FAT2: variants seen among roughly 807,000 people sequenced by gnomAD.
FAT2 encodes the protein FAT atypical cadherin 2, also known as protocadherin Fat 2.
A neutral mutation model predicts 295.3 loss-of-function variants in FAT2; 150 were observed. The observed-to-expected ratio is 0.51, with a 90% CI of 0.44 to 0.58. FAT2 has a LOEUF of 0.58. FAT2 is among the 20% of genes least tolerant of loss of function. The pLI is 0.00. For missense variants in FAT2, 4,868 were observed against 5,442.7 expected, an observed-to-expected ratio of 0.89 and a Z score of 3.32; for synonymous variants, 2,026 against 2,150.3, an observed-to-expected ratio of 0.94 and a Z score of 1.60.
At position 151,521,872 on chromosome 5, in the gene FAT2, A is replaced by G. The variant is rs765500923; in HGVS notation, c.10721T>C (p.Leu3574Pro). ...LTYSLAEEETLGRHFSVGAPD... is the reference protein window; with the variant it reads ...LTYSLAEEETPGRHFSVGAPD... ...CGCACCCACTGAGAAGTGCCTGCCCAGGGTCTCCTCTTCTGCCAGGCTATA... is the reference window on the plus strand; with the variant it reads ...CGCACCCACTGAGAAGTGCCTGCCCGGGGTCTCCTCTTCTGCCAGGCTATA... The change falls in exon 19 of 24, where the codon CTG (leucine) becomes CCG (proline). Residue 3574 changes from leucine (L) to proline (P), a missense_variant. Around this residue, in one of 5 missense-constraint regions of FAT2, gnomAD observed 1,046 missense variants for 1,210.1 expected, o/e 0.86. Coordinates refer to ENST00000261800, the MANE Select transcript of FAT2 (RefSeq NM_001447.3). 1 of 1,614,008 alleles carries G rather than the reference A, an allele frequency of 6.2e-7. No homozygotes were observed. Among genetic ancestry groups the G allele is most frequent in the South Asian group, 1.1e-5 (1 of 91,046 alleles).
At position 151,565,848 on chromosome 5, in the gene FAT2, G is replaced by C; in HGVS notation, c.3084C>G (p.His1028Gln). 1 of 1,614,156 alleles carries C rather than the reference G, an allele frequency of 6.2e-7. No individual in the cohort carries two copies. Among genetic ancestry groups the C allele is most frequent in the East Asian group, 2.2e-5 (1 of 44,884 alleles). ...VIVLDVNENL[H>Q]PPHFASFVHQ... is the part of the protein sequence containing the mutation. Reference sequence around the variant, plus strand: ...GCACGAAGGAGGCAAAGTGGGGAGGGTGGAGATTCTCATTCACATCCAGGA... The same window carrying C: ...GCACGAAGGAGGCAAAGTGGGGAGGCTGGAGATTCTCATTCACATCCAGGA... The change falls in exon 2 of 24, where the codon CAC (histidine) becomes CAG (glutamine). Residue 1028 changes from histidine to glutamine, a missense_variant. Coordinates refer to ENST00000261800, the MANE Select transcript of FAT2 (RefSeq NM_001447.3).
At chr5:151,563,767 G>A in intron 2 of FAT2, 128 bp from the exon 3 acceptor site, 3 of 699,994 alleles carry the variant, frequency 4.3e-6, no homozygotes, top group Non-Finnish European at 7.2e-6. Context: ...TCTATGAAAA[G>A]AAGGAACTGC....
rs889399513 is a variant in FAT2, at chr5:151,531,924, G to A, written c.9474C>T (p.Gly3158=). 2 of 1,614,106 alleles carry A rather than the reference G, an allele frequency of 1.2e-6. No homozygotes were observed. The highest frequency in any genetic ancestry group is 1.3e-5 in the African/African-American group (1 of 74,944). Residue 3158 remains glycine, a synonymous_variant, in exon 14 of 24, where the codon GGC becomes GGT. Coordinates refer to ENST00000261800, the MANE Select transcript of FAT2 (RefSeq NM_001447.3). The surrounding 1 kb of genome is among the most constrained non-coding windows in gnomAD (Gnocchi z 5.7). ...CCGTGGTGGCGTCGATGGAAAAGTG[G>A]CCTTCGGCTGAATCCGGCAGAGAGT... ...VVYSLPDSAE[G]HFSIDATTGV...
chr5:151,586,753 C>T (rs1039079799), intron 1 of FAT2, among the ~76,000 whole-genome samples: 2 of 152,186 alleles, frequency 1.3e-5, no homozygotes, highest in African/African-American at 4.8e-5. Flanking sequence ...GAAATATTTT[C>T]AGGTGCAATC....
intron 3 of FAT2, among the ~76,000 whole-genome samples, chr5:151,559,318 C>T (rs371257824): frequency 1.2e-4 from 19 of 152,236 alleles, no homozygotes; most frequent in African/African-American, 2.6e-4. Flanking sequence ...CACACTCAGG[C>T]GCCCTTCCAG....
chr5:151,549,223 A>T, intron 9 of FAT2, 72 bp downstream of exon 9: 2 of 1,435,836 alleles, frequency 1.4e-6, no homozygotes, highest in Non-Finnish European at 1.9e-6. Context: ...TTGCGAATTC[A>T]TGCCTCTAGT....
rs372447089 is a variant in FAT2 at position 151,568,476 on chromosome 5, C to T, written c.456G>A (p.Ser152=). Residue 152 remains serine, a synonymous_variant, in exon 2 of 24, where the codon TCG becomes TCA. Coordinates refer to ENST00000261800, the MANE Select transcript of FAT2 (RefSeq NM_001447.3). ...TGTCCTCAGAGATGGTGACTCTGTACGAAGGTGGAGAGAAGAGAGGCTTCA... is the reference window on the plus strand; with the variant it reads ...TGTCCTCAGAGATGGTGACTCTGTATGAAGGTGGAGAGAAGAGAGGCTTCA... ...NDLKPLFSPP[S]YRVTISEDMP... is the part of the protein sequence containing the mutation. 31 of 1,614,090 alleles carry T rather than the reference C, an allele frequency of 1.9e-5. No individual in the cohort carries two copies. The highest frequency in any genetic ancestry group is 1.6e-4 in the Middle Eastern group (1 of 6,062).
rs544225629 is a variant in FAT2 at position 151,571,415 on chromosome 5, G to A, written c.-20-2464C>T. 2.0e-5 allele frequency among the ~76,000 whole-genome samples: 3 copies of A among 152,364 alleles called. No homozygotes were observed. The East Asian group carries it at 5.8e-4, about 29-fold the overall frequency. ...AGCCCTGCCTGCCCTGCTGTGTGGAGAGCTTCCTGTTCACCAGGTCAGCAC... is the reference window on the plus strand; with the variant it reads ...AGCCCTGCCTGCCCTGCTGTGTGGAAAGCTTCCTGTTCACCAGGTCAGCAC... On this transcript the variant is annotated intron_variant, in intron 1 of 23. Coordinates refer to ENST00000261800, the MANE Select transcript of FAT2 (RefSeq NM_001447.3).
intron 1 of FAT2, among the ~76,000 whole-genome samples, chr5:151,576,645 C>T (rs975573483): frequency 2.6e-5 from 4 of 152,050 alleles, no homozygotes; most frequent in South Asian, 2.1e-4. Context: ...TCTCACTTAA[C>T]GATGGGAATA....
chr5:151,537,352 AAAG>A (rs1561842312), intron 12 of FAT2, among the ~76,000 whole-genome samples: 10 of 86,738 alleles, frequency 1.2e-4, no homozygotes, highest in South Asian at 5.2e-4. Flanking sequence ...AGAAAAGAAA[AAAG>A]AAGGAAGGAA....
At chr5:151,591,035 C>G (rs1759382700) in intron 1 of FAT2, among the ~76,000 whole-genome samples, 130 bp downstream of exon 1, 1 of 152,198 alleles carries the variant, frequency 6.6e-6, no homozygotes, top group African/African-American at 2.4e-5. Flanking sequence ...TGTGCCTGTT[C>G]CAGCCATCTC....
chr5:151,569,051 T>G, intron 1 of FAT2, 100 bp from the exon 2 acceptor site: 1 of 1,179,432 alleles, frequency 8.5e-7, no homozygotes, highest in Non-Finnish European at 1.2e-6. Context: ...CAAGGGACAC[T>G]TGGCAATGTC....
rs1485991417 is a variant in FAT2 at position 151,554,612 on chromosome 5, A to G, written c.3695T>C (p.Ile1232Thr). The change falls in exon 5 of 24, where the codon ATC (isoleucine) becomes ACC (threonine). Residue 1232 changes from isoleucine to threonine, a missense_variant. By Grantham distance (89) the Ile-to-Thr change is moderately conservative. Transcript: ENST00000261800. ...LKSTSRVVVG[I>T]LDVNDNPPIF... ...AGGTGGATTGTCATTGACGTCCAAG[A>G]TGCCTACCACCACCCTGGAGGTGGA... 1 of 1,614,166 alleles carries G rather than the reference A, an allele frequency of 6.2e-7. No individual in the cohort carries two copies. Among genetic ancestry groups the G allele is most frequent in the Non-Finnish European group, 8.5e-7 (1 of 1,180,018 alleles).
In FAT2 at chr5:151,534,449, C is replaced by T. The variant is rs150367345; in HGVS notation, c.9387G>A (p.Lys3129=). 6.2e-7 allele frequency: 1 copy of T among 1,613,308 alleles called. No individual in the cohort carries two copies. The highest frequency in any genetic ancestry group is 1.3e-5 in the African/African-American group (1 of 74,882). The change falls in exon 13 of 24, where the codon AAG becomes AAA. Residue 3129 remains lysine, a synonymous_variant. Transcript: ENST00000261800. ...AVAVFDNTTV[K]TPVAVVFARD... ...GGGCAAATACTACAGCCACAGGGGT[C>T]TTCACTGTGGTGTTGTCGAAGACAG...
rs1754125756 is a variant in FAT2, at chr5:151,527,398, G to A, written c.10165-21C>T. ...GAGGCCTATTGCAAAATGTCCAGTG[G>A]AGGTTAGCAATGAGGTAGCTGTCCC... On this transcript the variant is annotated intron_variant, in intron 16 of 23. Transcript: ENST00000261800. 5 of 1,576,338 alleles carry A rather than the reference G, an allele frequency of 3.2e-6. No individual in the cohort carries two copies. The East Asian group carries it at 6.8e-5, about 21-fold the overall frequency.
In FAT2 at chr5:151,565,853, G is replaced by T; in HGVS notation, c.3079C>A (p.Leu1027Ile). Residue 1027 changes from leucine (L) to isoleucine (I), a missense_variant, in exon 2 of 24, where the codon CTC becomes ATC. Coordinates refer to ENST00000261800, the MANE Select transcript of FAT2 (RefSeq NM_001447.3). ...EVIVLDVNENLHPPHFASFVH... is the reference protein window; with the variant it reads ...EVIVLDVNENIHPPHFASFVH... ...AAGGAGGCAAAGTGGGGAGGGTGGA[G>T]ATTCTCATTCACATCCAGGACGATC... 1 of 1,614,138 alleles carries T rather than the reference G, an allele frequency of 6.2e-7. No individual in the cohort carries two copies. Among genetic ancestry groups the T allele is most frequent in the Non-Finnish European group, 8.5e-7 (1 of 1,180,018 alleles).
At chr5:151,571,363 G>A (rs773406636) in intron 1 of FAT2, among the ~76,000 whole-genome samples, 4 of 152,018 alleles carry the variant, frequency 2.6e-5, no homozygotes, top group Non-Finnish European at 5.9e-5. Context: ...CCACAGCTCT[G>A]TGAGCCCAGG....
Position 151,542,458 on chromosome 5 carries a change from G to A in FAT2, c.8669C>T (p.Ala2890Val), listed in dbSNP as rs1756246369. The A allele has an allele frequency of 1.9e-6, 3 of 1,614,180 alleles. No individual in the cohort carries two copies. The East Asian group carries it at 6.7e-5, about 36-fold the overall frequency. ...ATCTGTAATGGAGACCTGAACCAGG[G>A]CCTGAGAGGATAGCTGGATGGTCTG... ...HGQTIQLSSQ[A>V]LVQVSITDEN... Residue 2890 changes from alanine (A) to valine (V), a missense_variant, in exon 10 of 24, where the codon GCC (alanine) becomes GTC (valine). By Grantham distance (64) the Ala-to-Val change is moderately conservative. Transcript: ENST00000261800.
chr5:151,567,921 A>G lies in FAT2; in HGVS notation c.1011T>C (p.Ser337=). ...GGGAATAAAAATAAGGGCCGCTCCCACTCCTGGCCTGGAGGCTGAGGTTGA... is the reference window on the plus strand; with the variant it reads ...GGGAATAAAAATAAGGGCCGCTCCCGCTCCTGGCCTGGAGGCTGAGGTTGA... ...HGFNLSLQAR[S]GSGPYFYSQI... is the part of the protein sequence containing the mutation. The change falls in exon 2 of 24, where the codon AGT becomes AGC. Residue 337 remains serine, a synonymous_variant. Coordinates refer to ENST00000261800, the MANE Select transcript of FAT2 (RefSeq NM_001447.3). 1 of 1,613,892 alleles carries G rather than the reference A, an allele frequency of 6.2e-7. No homozygotes were observed. The highest frequency in any genetic ancestry group is 1.3e-5 in the African/African-American group (1 of 74,918).
Sources: gnomAD v4.1 joint callset for allele counts (sites outside exome capture counted in the v4.1 genomes callset) on GRCh38, gnomAD v4.1.1 for gene constraint, gnomAD v4.1.1 regional missense constraint, Gnocchi (gnomAD v3.1) non-coding constraint, MANE v1.5 for transcripts, NCBI Gene and HGNC (gene_info 2026-07-23, HGNC 2026-07-21) for gene names.